The following CCDC178 variants were observed in gnomAD, a reference collection of about 807,000 sequenced individuals.
The protein encoded by CCDC178 is coiled-coil domain containing 178, also known as coiled-coil domain-containing protein 178.
A neutral mutation model predicts 117.4 loss-of-function variants in CCDC178; 126 were observed. The ratio of observed to expected loss-of-function variants is 1.07; its 90% confidence interval spans 0.93 to 1.24. The LOEUF (loss-of-function observed/expected upper bound fraction) is 1.24. CCDC178 is among the 50% of genes most tolerant of loss of function. The pLI, the probability that CCDC178 is intolerant of heterozygous loss-of-function variation, is 0.00. For synonymous variants in CCDC178, 283 were observed against 313.4 expected (o/e 0.90, Z 1.02); for missense variants, 1,030 against 986.9 (o/e 1.04, Z -0.59).
At chr18:33,256,284 G>C (rs1225699605) in intron 14 of CCDC178, among the ~76,000 whole-genome samples, 1 of 150,440 alleles carries the variant, frequency 6.6e-6, no homozygotes, top group Non-Finnish European at 1.5e-5. Flanking sequence ...AGACTAAAAA[G>C]ATAAGGAAGA....
At chr18:33,028,260 G>T (rs1230184432) in intron 21 of CCDC178, among the ~76,000 whole-genome samples, 1 of 151,766 alleles carries the variant, frequency 6.6e-6, no homozygotes, top group Non-Finnish European at 1.5e-5. Flanking sequence ...ACAGAAGTGA[G>T]ATAAGGCACA....
intron 20 of CCDC178, among the ~76,000 whole-genome samples, chr18:33,185,251 T>C (rs2058776816): frequency 6.6e-6 from 1 of 151,866 alleles, no homozygotes; most frequent in Non-Finnish European, 1.5e-5. Flanking sequence ...CTTGCAAGGA[T>C]GAACAAGAAG....
chr18:33,349,896 T>C (rs2062949635), intron 7 of CCDC178, among the ~76,000 whole-genome samples: 1 of 151,912 alleles, frequency 6.6e-6, no homozygotes. Context: ...CTTTAGTTAC[T>C]TGAAATTATT....
chr18:33,397,170 C>G lies in CCDC178; in HGVS notation c.97G>C (p.Ala33Pro). ...CQEVKALREK[A>P]WSRTNEGNAM... Reference sequence around the variant, plus strand: ...ATACCTTCATTTGTCCTTGACCATGCCTTCTCTCTGAGAGCCTTTACTTCC... The same window carrying G: ...ATACCTTCATTTGTCCTTGACCATGGCTTCTCTCTGAGAGCCTTTACTTCC... The change falls in exon 4 of 23, where the codon GCA becomes CCA. Residue 33 changes from alanine (A) to proline (P), a missense_variant. By Grantham distance (27) the Ala-to-Pro change is conservative (BLOSUM62 -1). Transcript: ENST00000383096. 1 of 1,606,530 alleles carries G rather than the reference C, an allele frequency of 6.2e-7. No homozygotes were observed. The highest frequency in any genetic ancestry group is 8.5e-7 in the Non-Finnish European group (1 of 1,173,992).
chr18:33,228,618 G>C (rs1238779810), intron 15 of CCDC178, among the ~76,000 whole-genome samples: 2 of 152,190 alleles, frequency 1.3e-5, no homozygotes, highest in Admixed American at 6.5e-5. Context: ...AAAACATCTG[G>C]AGCTTCTGTC....
At chr18:33,148,852 A>G (rs1038995743) in intron 20 of CCDC178, among the ~76,000 whole-genome samples, 1 of 152,270 alleles carries the variant, frequency 6.6e-6, no homozygotes, top group East Asian at 1.9e-4. Flanking sequence ...CATTTTTGTA[A>G]CCAGAAGGGT....
chr18:33,057,029 A>G (rs2056842845), intron 21 of CCDC178, among the ~76,000 whole-genome samples: 2 of 151,696 alleles, frequency 1.3e-5, no homozygotes, highest in South Asian at 4.2e-4. Context: ...GAAAAAAAGG[A>G]AAAAAGTCAA....
intron 20 of CCDC178, among the ~76,000 whole-genome samples, chr18:33,147,625 C>T (rs1166786354): frequency 6.6e-6 from 1 of 151,886 alleles, no homozygotes; most frequent in Non-Finnish European, 1.5e-5. Context: ...TCTTGCACCA[C>T]CCTTAATCCA....
chr18:33,389,435 T>C (rs1045052853), intron 5 of CCDC178, 105 bp downstream of exon 5: 2 of 432,484 alleles, frequency 4.6e-6, no homozygotes, highest in Admixed American at 4.3e-5. Context: ...ATTAACGATA[T>C]GTAGGATTTA....
chr18:32,990,825 G>A lies in CCDC178; in HGVS notation c.2389-16144C>T, dbSNP rs188551727. ...TTATGTATAGATCTTAGGGATGACTGATACCAATATGAAAAAGAAAAGAAA... is the reference window on the plus strand; with the variant it reads ...TTATGTATAGATCTTAGGGATGACTAATACCAATATGAAAAAGAAAAGAAA... On this transcript the variant is annotated intron_variant, in intron 21 of 22. Coordinates refer to ENST00000383096, the MANE Select transcript of CCDC178 (RefSeq NM_001105528.4). Among the ~76,000 whole-genome samples the A allele has an allele frequency of 1.8e-3, 267 of 151,590 alleles. 1 individual carries two copies. Among genetic ancestry groups the A allele is most frequent in the African/African-American group, 6.0e-3 (249 of 41,426 alleles).
intron 20 of CCDC178, among the ~76,000 whole-genome samples, chr18:33,116,426 A>C (rs2057856668): frequency 6.6e-6 from 1 of 152,164 alleles, no homozygotes; most frequent in Non-Finnish European, 1.5e-5. Context: ...AATCACTACA[A>C]AGTAAGCAGC....
At chr18:32,950,379 G>C (rs893345527) in intron 22 of CCDC178, among the ~76,000 whole-genome samples, 1 of 152,102 alleles carries the variant, frequency 6.6e-6, no homozygotes, top group Non-Finnish European at 1.5e-5. Context: ...CATCTTGTTT[G>C]TTTCATTTCT....
chr18:33,085,346 G>A (rs1024431893), intron 21 of CCDC178, among the ~76,000 whole-genome samples: 10 of 152,268 alleles, frequency 6.6e-5, no homozygotes, highest in East Asian at 3.9e-4. Flanking sequence ...GGCGGATCAC[G>A]AGGTCAGGGG....
chr18:33,194,740 T>C (rs2058904817), intron 20 of CCDC178, among the ~76,000 whole-genome samples: 1 of 151,980 alleles, frequency 6.6e-6, no homozygotes, highest in Non-Finnish European at 1.5e-5. Context: ...GTTAACTTTT[T>C]CTGTGATATT....
At chr18:33,002,502 C>A (rs930324249) in intron 21 of CCDC178, among the ~76,000 whole-genome samples, 1 of 151,614 alleles carries the variant, frequency 6.6e-6, no homozygotes, top group Admixed American at 6.6e-5. Context: ...AAAGGAAATA[C>A]AACACACCAA....
chr18:33,240,582 G>C lies in CCDC178; in HGVS notation c.1593+4663C>G, dbSNP rs76354025. 4.7e-3 allele frequency among the ~76,000 whole-genome samples: 717 copies of C among 151,832 alleles called. 4 individuals carry two copies. The highest frequency in any genetic ancestry group is 0.017 in the African/African-American group (685 of 41,480). On this transcript the variant is annotated intron_variant, in intron 15 of 22. Coordinates refer to ENST00000383096, the MANE Select transcript of CCDC178 (RefSeq NM_001105528.4). ...AAAAAGGATCATTAGAAACTTCAATGAACAGTTATACACTAATAAATATGA... is the reference window on the plus strand; with the variant it reads ...AAAAAGGATCATTAGAAACTTCAATCAACAGTTATACACTAATAAATATGA...
At chr18:33,305,595 G>A (rs1188154293) in intron 11 of CCDC178, among the ~76,000 whole-genome samples, 3 of 152,276 alleles carry the variant, frequency 2.0e-5, no homozygotes, top group South Asian at 4.1e-4. Flanking sequence ...CTGCCAGTAC[G>A]TCTTTTGTGT....
At chr18:33,357,719 T>C (rs1250955285) in intron 6 of CCDC178, among the ~76,000 whole-genome samples, 1 of 152,088 alleles carries the variant, frequency 6.6e-6, no homozygotes, top group African/African-American at 2.4e-5. Context: ...ACAGGTTTCA[T>C]AGATTATCTC....
intron 2 of CCDC178, among the ~76,000 whole-genome samples, chr18:33,435,088 T>G (rs2064271178): frequency 6.6e-6 from 1 of 152,152 alleles, no homozygotes. Flanking sequence ...AGGGACCGTC[T>G]GCAGAATTTT....
Sources: allele counts gnomAD v4.1 joint callset (sites outside exome capture counted in the v4.1 genomes callset), GRCh38; gene constraint gnomAD v4.1.1; transcripts MANE v1.5; gene names NCBI Gene and HGNC (gene_info 2026-07-23, HGNC 2026-07-21).